Variants in ATG5 observed in about 807,000 individuals in gnomAD.
ATG5 encodes the protein autophagy related 5.
In ATG5, 14 loss-of-function variants were observed where a neutral mutation model predicts 36.5. The ratio of observed to expected loss-of-function variants is 0.38; its 90% CI spans 0.25 to 0.60. The LOEUF (loss-of-function observed/expected upper bound fraction) is 0.60. Among genes scored for constraint, ATG5 ranks in the 20% least tolerant of loss-of-function variants. ATG5 has a pLI of 0.60. For synonymous variants in ATG5, 95 were observed against 101.5 expected (o/e 0.94, Z 0.38); for missense variants, 195 against 326.7 (o/e 0.60, Z 3.11).
rs1364824160 is a variant in ATG5, at chr6:106,279,685, G to T, written c.454C>A (p.Gln152Lys). 6.3e-7 allele frequency: 1 copy of T among 1,599,806 alleles called. No homozygotes were observed. The highest frequency in any genetic ancestry group is 8.5e-7 in the Non-Finnish European group (1 of 1,174,220). Residue 152 changes from glutamine to lysine, a missense_variant, in exon 5 of 8, where the codon CAA becomes AAA. Coordinates refer to ENST00000369076, the MANE Select transcript of ATG5 (RefSeq NM_004849.4). The part of the protein sequence containing the change: ...INEMQKKDHK[Q>K]LWMGLQNDRF... Reference sequence around the variant, plus strand: ...CCATTTTGCAATCCCATCCAGAGTTGCTTGTGATCTTTTTTCTGCATTTCA... The same window carrying T: ...CCATTTTGCAATCCCATCCAGAGTTTCTTGTGATCTTTTTTCTGCATTTCA...
At chr6:106,268,536 A>T (rs1468920391) in intron 5 of ATG5, among the ~76,000 whole-genome samples, 1 of 152,220 alleles carries the variant, frequency 6.6e-6, no homozygotes, top group Non-Finnish European at 1.5e-5. Flanking sequence ...GTATATTCCC[A>T]AAGGATTATA....
At chr6:106,261,844 C>CAGTGT (rs1309393743) in intron 5 of ATG5, among the ~76,000 whole-genome samples, 2 of 152,122 alleles carry the variant, frequency 1.3e-5, no homozygotes, top group East Asian at 3.9e-4. Context: ...GGGGAGCGGG[C>CAGTGT]AGTGTGCTAC....
At chr6:106,264,500 G>A (rs1278285822) in intron 5 of ATG5, among the ~76,000 whole-genome samples, 2 of 152,108 alleles carry the variant, frequency 1.3e-5, no homozygotes, top group East Asian at 3.8e-4. Context: ...ACACCACTAA[G>A]ATACTCCTAA....
chr6:106,265,801 G>A (rs961764521), intron 5 of ATG5, among the ~76,000 whole-genome samples: 2 of 152,046 alleles, frequency 1.3e-5, no homozygotes, highest in Non-Finnish European at 2.9e-5. Context: ...AAATCAATGA[G>A]AAAAAAGAGA....
chr6:106,262,546 T>C (rs1779062218), intron 5 of ATG5, among the ~76,000 whole-genome samples: 1 of 152,168 alleles, frequency 6.6e-6, no homozygotes, highest in Non-Finnish European at 1.5e-5. Flanking sequence ...TTAAAAAGTT[T>C]TCCATTCTCG....
At chr6:106,290,325 C>T (rs571378628) in intron 4 of ATG5, among the ~76,000 whole-genome samples, 2 of 139,492 alleles carry the variant, frequency 1.4e-5, no homozygotes, top group East Asian at 4.2e-4. Flanking sequence ...TTCTTTCATT[C>T]GTTCATTTAT....
chr6:106,190,260 G>A (rs183861829), intron 7 of ATG5, among the ~76,000 whole-genome samples: 1 of 152,218 alleles, frequency 6.6e-6, no homozygotes, highest in East Asian at 1.9e-4. Flanking sequence ...CAAAGTGCTG[G>A]CACCTGGTAT....
chr6:106,214,955 A>T (rs1288286386), intron 6 of ATG5, among the ~76,000 whole-genome samples: 1 of 152,194 alleles, frequency 6.6e-6, no homozygotes, highest in African/African-American at 2.4e-5. Context: ...CTCCCAAAAG[A>T]TCTGAAAAAT....
rs370505224 is a variant in ATG5, at chr6:106,293,383, T to C, written c.237-277A>G. On this transcript the variant is annotated intron_variant, in intron 3 of 7. Transcript: ENST00000369076. ...TCTTTATCAGCCATGTGAACTGTTATGTCACAGTACTGTTGCATCTAATTG... is the reference window on the plus strand; with the variant it reads ...TCTTTATCAGCCATGTGAACTGTTACGTCACAGTACTGTTGCATCTAATTG... Among the ~76,000 whole-genome samples the C allele has an allele frequency of 2.6e-5, 4 of 152,260 alleles. 1 individual carries two copies. The South Asian group carries it at 8.3e-4, about 31-fold the overall frequency.
intron 3 of ATG5, among the ~76,000 whole-genome samples, chr6:106,296,772 T>C (rs1196655810): frequency 6.6e-6 from 1 of 152,146 alleles, no homozygotes; most frequent in Non-Finnish European, 1.5e-5. Context: ...GAGCCAAGAC[T>C]GCAACACTGC....
At chr6:106,200,612 C>T (rs1218215981) in intron 7 of ATG5, among the ~76,000 whole-genome samples, 5 of 151,944 alleles carry the variant, frequency 3.3e-5, no homozygotes, top group African/African-American at 9.7e-5. Context: ...GTAGCTGGAA[C>T]TACAGGCGCC....
Position 106,185,303 on chromosome 6 carries a change from C to G in ATG5, c.*1237G>C, listed in dbSNP as rs1042579572. On this transcript the variant is annotated 3_prime_UTR_variant, in exon 8 of 8. Coordinates refer to ENST00000369076, the MANE Select transcript of ATG5 (RefSeq NM_004849.4). ...ATGGGATCTAAAACCATGATCGTGT[C>G]TGATACTGTAAGCCTTTTAGCGTAC... 2.0e-5 allele frequency: 3 copies of G among 152,676 alleles called. No homozygotes were observed. Among genetic ancestry groups the G allele is most frequent in the Non-Finnish European group, 4.4e-5 (3 of 68,004 alleles). 9.5% of individuals were successfully genotyped at this position (152,676 alleles called of 1,614,324 possible). A position where few individuals can be genotyped will look rare whatever the true frequency, so the allele number is the denominator to read the frequency against.
chr6:106,276,464 CAAAAAAA>C (rs35078793), intron 5 of ATG5, among the ~76,000 whole-genome samples: 3 of 109,426 alleles, frequency 2.7e-5, no homozygotes, highest in East Asian at 2.4e-4. Context: ...ACTCTGTCTC[CAAAAAAA>C]AAAAAAAAAG....
intron 5 of ATG5, among the ~76,000 whole-genome samples, chr6:106,257,285 A>G (rs531246961): frequency 4.6e-5 from 7 of 152,304 alleles, no homozygotes; most frequent in African/African-American, 1.7e-4. Flanking sequence ...GAAGGTGAAC[A>G]CTCTAAAATA....
At chr6:106,316,075 C>T in intron 2 of ATG5, 26 bp downstream of exon 2, 2 of 1,548,346 alleles carry the variant, frequency 1.3e-6, no homozygotes, top group East Asian at 2.3e-5. Context: ...GTTAAATATC[C>T]CATTTGCCAC....
rs189388204 is a variant in ATG5, at chr6:106,221,444, G to T, written c.574-19355C>A. 2.4e-3 allele frequency among the ~76,000 whole-genome samples: 364 copies of T among 152,262 alleles called. 2 individuals carry two copies. Among genetic ancestry groups the T allele is most frequent in the African/African-American group, 8.3e-3 (344 of 41,550 alleles). On this transcript the variant is annotated intron_variant, in intron 6 of 7. Transcript: ENST00000369076. ...CTAACACCTGTAGTCCCAGCACTTT[G>T]GGAGGCCAAGATGGGCGGATCACTT...
In ATG5 at chr6:106,248,314, T is replaced by C. The variant is rs935145924; in HGVS notation, c.479-70A>G. On this transcript the variant is annotated intron_variant, in intron 5 of 7. Transcript: ENST00000369076. Reference sequence around the variant, plus strand: ...TAATGGAATACCTCACATGAAGAGATGAAAGTTTTAAATATCCCTCTAGAA... The same window carrying C: ...TAATGGAATACCTCACATGAAGAGACGAAAGTTTTAAATATCCCTCTAGAA... 1.9e-5 allele frequency: 22 copies of C among 1,165,140 alleles called. No individual in the cohort carries two copies. The Admixed American group carries it at 3.6e-4, about 19-fold the overall frequency. The allele number at this position is 1,165,140 out of a possible 1,614,324, so 72.2% of individuals were successfully genotyped here.
At chr6:106,293,496 T>C (rs1307895243) in intron 3 of ATG5, among the ~76,000 whole-genome samples, 1 of 152,228 alleles carries the variant, frequency 6.6e-6, no homozygotes, top group African/African-American at 2.4e-5. Flanking sequence ...TTTAAAAAAC[T>C]GTAAGAACCA....
At chr6:106,248,126 G>GT (rs766120406) in intron 6 of ATG5, 24 bp downstream of exon 6, 5 of 1,534,064 alleles carry the variant, frequency 3.3e-6, no homozygotes, top group South Asian at 1.1e-5. Context: ...ATAAATGGAT[G>GT]TTTTTTAAAA....
Sources: allele counts gnomAD v4.1 joint callset (sites outside exome capture counted in the v4.1 genomes callset), GRCh38; gene constraint gnomAD v4.1.1; transcripts MANE v1.5; gene names NCBI Gene and HGNC (gene_info 2026-07-23, HGNC 2026-07-21).